Variants in ZC3H12B observed in about 807,000 individuals in gnomAD.
The protein encoded by ZC3H12B is probable ribonuclease ZC3H12B.
ZC3H12B carries 7 observed loss-of-function variants against 43.9 expected under a neutral mutation model. The observed-to-expected ratio is 0.16, with a 90% CI of 0.09 to 0.30. The LOEUF is 0.30. Ranked by LOEUF, ZC3H12B falls within the 10% of genes least tolerant of loss-of-function variation. The pLI is 1.00. For missense variants in ZC3H12B, 475 were observed against 670.2 expected, an observed-to-expected ratio of 0.71 and a Z score of 3.22; for synonymous variants, 222 against 241.7, an observed-to-expected ratio of 0.92 and a Z score of 0.76.
At chrX:65,145,353 G>T in the ZC3H12B span, among the ~76,000 whole-genome samples, 1 of 108,657 alleles carries the variant, frequency 9.2e-6, no homozygotes, top group African/African-American at 3.3e-5. Flanking sequence ...TTAAGTTTGT[G>T]TGAGTCCATA....
the ZC3H12B span, among the ~76,000 whole-genome samples, chrX:65,229,862 A>T: frequency 6.4e-5 from 7 of 110,056 alleles, no homozygotes; most frequent in Non-Finnish European, 1.1e-4. Context: ...TTAGAATGGC[A>T]GTCCTTAAAA....
At chrX:65,254,529 C>G in the ZC3H12B span, among the ~76,000 whole-genome samples, 1 of 111,967 alleles carries the variant, frequency 8.9e-6, no homozygotes, top group African/African-American at 3.2e-5. Context: ...CGAAGGACAT[C>G]AAAGAAGATA....
the ZC3H12B span, among the ~76,000 whole-genome samples, chrX:65,279,396 T>C: frequency 9.2e-6 from 1 of 109,211 alleles, no homozygotes; most frequent in African/African-American, 3.3e-5. Flanking sequence ...TAATTGGTGA[T>C]ATTGAGCTTT....
At chrX:65,359,269 G>A in the ZC3H12B span, among the ~76,000 whole-genome samples, 1 of 111,737 alleles carries the variant, frequency 8.9e-6, no homozygotes, top group Non-Finnish European at 1.9e-5. Flanking sequence ...CCTGCTATAT[G>A]GCATTCATCC....
chrX:65,125,955 G>C, the ZC3H12B span, among the ~76,000 whole-genome samples: 6 of 109,952 alleles, frequency 5.5e-5, no homozygotes, highest in Middle Eastern at 0.014. Context: ...GGAACATTTA[G>C]GCCGTTTACT....
At chrX:65,367,848 C>A (rs895885702) in intron 1 of ZC3H12B, among the ~76,000 whole-genome samples, 2 of 111,095 alleles carry the variant, frequency 1.8e-5, no homozygotes, top group South Asian at 3.8e-4. Flanking sequence ...AGAAACAACA[C>A]AAAACCCTCA....
chrX:65,061,631 G>A, the ZC3H12B span, among the ~76,000 whole-genome samples: 1 of 112,183 alleles, frequency 8.9e-6, no homozygotes, highest in Non-Finnish European at 1.9e-5. Context: ...AAACAAACAT[G>A]TGCATGTGTC....
At chrX:65,484,207 G>A (rs936919711), upstream of ZC3H12B, among the ~76,000 whole-genome samples, 2 of 111,464 alleles carry the variant, frequency 1.8e-5, no homozygotes, top group South Asian at 3.8e-4. Flanking sequence ...AACAGAGGGT[G>A]GAGAATGGGA....
At chrX:65,034,981 C>A in the ZC3H12B span, among the ~76,000 whole-genome samples, 4 of 112,711 alleles carry the variant, frequency 3.5e-5, no homozygotes, top group African/African-American at 1.3e-4. Flanking sequence ...CCTCCAGAGG[C>A]TCAGGCCTAG....
the ZC3H12B span, among the ~76,000 whole-genome samples, chrX:65,316,377 A>G: frequency 1.8e-5 from 2 of 111,845 alleles, no homozygotes; most frequent in Admixed American, 9.5e-5. Flanking sequence ...GTTGAAATGA[A>G]AGCAAAATTT....
chrX:65,469,815 AC>A (rs768960325), intron 3 of ZC3H12B: 241 of 112,771 alleles, frequency 2.1e-3, no homozygotes, highest in Middle Eastern at 0.018. Flanking sequence ...TACTAAAAAT[AC>A]AAAAATTATC....
At chrX:65,254,248 G>A in the ZC3H12B span, among the ~76,000 whole-genome samples, 151 of 112,614 alleles carry the variant, frequency 1.3e-3, no homozygotes, top group African/African-American at 4.8e-3. Context: ...TAACACCCTT[G>A]CACCTGCTAG....
the ZC3H12B span, among the ~76,000 whole-genome samples, chrX:65,137,518 C>A: frequency 1.8e-5 from 2 of 111,771 alleles, no homozygotes; most frequent in African/African-American, 6.5e-5. Flanking sequence ...CTGTTTAATG[C>A]AATTTAAGCC....
chrX:65,298,059 A>G, the ZC3H12B span, among the ~76,000 whole-genome samples: 1 of 112,330 alleles, frequency 8.9e-6, no homozygotes, highest in Non-Finnish European at 1.9e-5. Flanking sequence ...AGAAGATAAT[A>G]TGGGAAAATC....
the ZC3H12B span, among the ~76,000 whole-genome samples, chrX:65,214,292 A>T: frequency 1.8e-5 from 2 of 111,848 alleles, no homozygotes. Context: ...TGTAAAATTT[A>T]TCTGTAGCAT....
chrX:65,107,684 C>T, the ZC3H12B span, among the ~76,000 whole-genome samples: 1 of 110,910 alleles, frequency 9.0e-6, no homozygotes, highest in Non-Finnish European at 1.9e-5. Flanking sequence ...TGAGTGAGTT[C>T]TCACGAGATC....
At chrX:65,359,318 T>C in the ZC3H12B span, among the ~76,000 whole-genome samples, 1 of 111,995 alleles carries the variant, frequency 8.9e-6, no homozygotes, top group Non-Finnish European at 1.9e-5. Context: ...GATTTTCAAG[T>C]CCTATTATTT....
chrX:65,090,929 C>G, the ZC3H12B span, among the ~76,000 whole-genome samples: 9 of 110,150 alleles, frequency 8.2e-5, no homozygotes, highest in East Asian at 1.1e-3. Context: ...GTATGGCATC[C>G]CCCTGCGTCT....
chrX:65,190,629 G>T, the ZC3H12B span, among the ~76,000 whole-genome samples: 2 of 107,674 alleles, frequency 1.9e-5, no homozygotes, highest in South Asian at 8.4e-4. Context: ...GAATGCTTGT[G>T]ATTTTTGTAC....
Sources: gnomAD v4.1 joint callset for allele counts (sites outside exome capture counted in the v4.1 genomes callset) on GRCh38, gnomAD v4.1.1 for gene constraint, MANE v1.5 for transcripts, NCBI Gene and HGNC (gene_info 2026-07-23, HGNC 2026-07-21) for gene names.